The following CSMD3 variants were observed in gnomAD, a reference collection of about 807,000 sequenced individuals.
CSMD3 encodes CUB and Sushi multiple domains 3.
In CSMD3, 177 loss-of-function variants were observed where a neutral mutation model predicts 435.2. The ratio of observed to expected loss-of-function variants is 0.41; its 90% CI spans 0.36 to 0.46. The LOEUF is 0.46. CSMD3 is among the 20% of genes least tolerant of loss of function. The pLI, the probability that CSMD3 is intolerant of heterozygous loss-of-function variation, is 0.34. For missense variants in CSMD3, 4,265 were observed against 4,504.6 expected (o/e 0.95, Z 1.52); for synonymous variants, 1,656 against 1,520.5 (o/e 1.09, Z -2.07).
chr8:113,083,729 A>T (rs761926835), intron 5 of CSMD3, among the ~76,000 whole-genome samples: 3 of 152,176 alleles, frequency 2.0e-5, no homozygotes, highest in African/African-American at 7.2e-5. Flanking sequence ...AAAATTTTCA[A>T]TTGAAAGGTA....
rs140082032 is a variant in CSMD3, at chr8:113,064,767, C to T, written c.917+33989G>A. 3.0e-4 allele frequency among the ~76,000 whole-genome samples: 46 copies of T among 152,196 alleles called. No homozygotes were observed. In the East Asian group the frequency reaches 6.9e-3, roughly 23 times the overall value. On this transcript the variant is annotated intron_variant, in intron 5 of 70. Coordinates refer to ENST00000297405, the MANE Select transcript of CSMD3 (RefSeq NM_198123.2). ...TAAACATGCCACAAATAACAAATTA[C>T]GGCTTTTTCTTTTCTTTTCTTTTAT...
chr8:112,620,432 A>G, intron 22 of CSMD3, among the ~76,000 whole-genome samples: 1 of 152,328 alleles, frequency 6.6e-6, no homozygotes, highest in South Asian at 2.1e-4. Context: ...GCTGACAGAC[A>G]AAATGAGTTC....
intron 31 of CSMD3, among the ~76,000 whole-genome samples, chr8:112,487,549 TTGGGAAGCCATTGG>T (rs1242263963): frequency 2.0e-5 from 3 of 152,160 alleles, no homozygotes; most frequent in African/African-American, 2.4e-5. Flanking sequence ...TTATTCTGAT[TTGGGAAGCCATTGG>T]TGGATTTTGA....
intron 3 of CSMD3, among the ~76,000 whole-genome samples, chr8:113,270,505 G>A (rs945905566): frequency 1.3e-4 from 20 of 152,190 alleles, no homozygotes; most frequent in African/African-American, 2.6e-4. Flanking sequence ...AAGTCATGCC[G>A]CTATAAAGAC....
intron 66 of CSMD3, among the ~76,000 whole-genome samples, chr8:112,238,173 T>C (rs1034489677): frequency 2.0e-5 from 3 of 152,012 alleles, no homozygotes; most frequent in Non-Finnish European, 2.9e-5. Context: ...ATTAATCCTA[T>C]ACCTCACAGC....
chr8:112,715,432 C>T (rs528786046), intron 13 of CSMD3, among the ~76,000 whole-genome samples: 1 of 152,130 alleles, frequency 6.6e-6, no homozygotes, highest in African/African-American at 2.4e-5. Context: ...CAGTAATTAA[C>T]ATCATACCAA....
At chr8:112,928,737 G>A (rs1286404256) in intron 9 of CSMD3, among the ~76,000 whole-genome samples, 25 of 149,978 alleles carry the variant, frequency 1.7e-4, no homozygotes, top group African/African-American at 4.6e-4. Flanking sequence ...GAATAATGCC[G>A]CAATAAACAT....
chr8:112,699,374 G>A (rs913131743), intron 13 of CSMD3, among the ~76,000 whole-genome samples: 11 of 152,200 alleles, frequency 7.2e-5, no homozygotes, highest in Admixed American at 2.0e-4. Flanking sequence ...TAGGGTCCAC[G>A]GCTTCATGCT....
intron 29 of CSMD3, among the ~76,000 whole-genome samples, chr8:112,504,241 T>C (rs534481616): frequency 2.0e-5 from 3 of 152,242 alleles, no homozygotes; most frequent in South Asian, 2.1e-4. Context: ...ATATAAGTGA[T>C]TGTAAGACAA....
intron 13 of CSMD3, among the ~76,000 whole-genome samples, chr8:112,698,974 A>G (rs1413475969): frequency 1.3e-5 from 2 of 152,132 alleles, no homozygotes; most frequent in African/African-American, 2.4e-5. Context: ...TAAATGCACC[A>G]ATCAGCACTC....
At chr8:112,761,801 T>C (rs975107917) in intron 13 of CSMD3, among the ~76,000 whole-genome samples, 26 of 152,040 alleles carry the variant, frequency 1.7e-4, no homozygotes, top group African/African-American at 6.3e-4. Context: ...TATGTATCCA[T>C]GTGAGTATAT....
intron 4 of CSMD3, among the ~76,000 whole-genome samples, chr8:113,135,306 G>A (rs1320840438): frequency 2.0e-5 from 3 of 151,940 alleles, no homozygotes; most frequent in East Asian, 3.9e-4. Flanking sequence ...TTTCAGTTTA[G>A]ATGCACACAA....
intron 26 of CSMD3, among the ~76,000 whole-genome samples, chr8:112,551,380 C>T (rs1827672310): frequency 6.6e-6 from 1 of 151,936 alleles, no homozygotes. Context: ...ATGCTTTTGC[C>T]ACGTTTCATG....
intron 16 of CSMD3, among the ~76,000 whole-genome samples, chr8:112,673,764 G>A (rs953008346): frequency 2.6e-5 from 4 of 151,954 alleles, no homozygotes; most frequent in East Asian, 1.9e-4. Flanking sequence ...CAGTTCTCCC[G>A]GGACTTCAGT....
chr8:112,597,120 C>T (rs190634217), intron 22 of CSMD3, among the ~76,000 whole-genome samples: 4 of 151,596 alleles, frequency 2.6e-5, no homozygotes, highest in Admixed American at 2.6e-4. Flanking sequence ...AGACCGCTAG[C>T]AAGACTAATA....
intron 4 of CSMD3, among the ~76,000 whole-genome samples, chr8:113,100,755 C>T (rs374730082): frequency 3.9e-5 from 6 of 152,218 alleles, no homozygotes; most frequent in Admixed American, 6.5e-5. Flanking sequence ...GATAAATATA[C>T]ATTACTTTTG....
intron 10 of CSMD3, among the ~76,000 whole-genome samples, chr8:112,886,334 G>A (rs891918784): frequency 6.6e-6 from 1 of 151,050 alleles, no homozygotes; most frequent in African/African-American, 2.4e-5. Flanking sequence ...CTTTTGAAAT[G>A]TTTCTTCTGT....
chr8:112,985,715 A>G (rs934828664), intron 6 of CSMD3, among the ~76,000 whole-genome samples: 2 of 152,050 alleles, frequency 1.3e-5, no homozygotes, highest in Non-Finnish European at 2.9e-5. Context: ...GTGGCATTAG[A>G]TTCTTATAGG....
intron 4 of CSMD3, among the ~76,000 whole-genome samples, chr8:113,164,766 C>T (rs555707989): frequency 1.3e-5 from 2 of 152,016 alleles, no homozygotes; most frequent in South Asian, 4.1e-4. Context: ...AATAATATTA[C>T]ACAGGAAAAA....
Sources: gnomAD v4.1 joint callset for allele counts (sites outside exome capture counted in the v4.1 genomes callset) on GRCh38, gnomAD v4.1.1 for gene constraint, MANE v1.5 for transcripts, NCBI Gene and HGNC (gene_info 2026-07-23, HGNC 2026-07-21) for gene names.